The following SHTN1 variants were observed in gnomAD, a reference collection of about 807,000 sequenced individuals.
SHTN1 encodes the protein shootin 1.
A neutral mutation model predicts 83.1 loss-of-function variants in SHTN1; 42 were observed. The ratio of observed to expected loss-of-function variants is 0.51; its 90% CI spans 0.39 to 0.65. The LOEUF is 0.65. Ranked by LOEUF, SHTN1 falls within the 30% of genes least tolerant of loss-of-function variation. The probability of loss-of-function intolerance (pLI) is 0.00; values close to 1 mark genes in which losing one functional copy is unlikely to be tolerated. For synonymous variants in SHTN1, 224 were observed against 247.7 expected (o/e 0.90, Z 0.90); for missense variants, 622 against 737.8 (o/e 0.84, Z 1.82).
At chr10:116,937,309 C>G in intron 9 of SHTN1, among the ~76,000 whole-genome samples, 1 of 152,134 alleles carries the variant, frequency 6.6e-6, no homozygotes. Flanking sequence ...CCAGTCTTTC[C>G]TTTCCATGTT....
intron 1 of SHTN1, among the ~76,000 whole-genome samples, chr10:117,080,956 G>C (rs1294891586): frequency 3.3e-5 from 5 of 149,658 alleles, no homozygotes; most frequent in African/African-American, 9.8e-5. Context: ...GGGTTTTCTA[G>C]ATATACAATC....
chr10:116,900,689 T>C, intron 16 of SHTN1: 1 of 1,461,016 alleles, frequency 6.8e-7, no homozygotes, highest in African/African-American at 1.4e-5. Flanking sequence ...TTAAACAAAT[T>C]TAATAGGAAA....
intron 4 of SHTN1, among the ~76,000 whole-genome samples, chr10:116,954,706 C>G (rs1247687655): frequency 6.6e-6 from 1 of 152,104 alleles, no homozygotes; most frequent in African/African-American, 2.4e-5. Flanking sequence ...CGAATTAGTC[C>G]AGGGATTAAA....
chr10:116,909,973 T>A (rs180706371), intron 14 of SHTN1, among the ~76,000 whole-genome samples: 2 of 152,302 alleles, frequency 1.3e-5, no homozygotes, highest in East Asian at 3.9e-4. Flanking sequence ...TTACATGCCA[T>A]GATTGTGAGG....
chr10:117,027,135 T>C (rs757624636), intron 2 of SHTN1, among the ~76,000 whole-genome samples: 3 of 152,180 alleles, frequency 2.0e-5, no homozygotes, highest in African/African-American at 7.2e-5. Context: ...ACCATTGATA[T>C]AGTTTGGATC....
intron 15 of SHTN1, among the ~76,000 whole-genome samples, chr10:116,906,030 T>C (rs1847956005): frequency 1.3e-5 from 2 of 152,206 alleles, no homozygotes; most frequent in Non-Finnish European, 2.9e-5. Context: ...GCAGGCACAG[T>C]AAGTTAATGG....
chr10:117,015,503 G>T (rs1203795363), intron 2 of SHTN1, among the ~76,000 whole-genome samples: 1 of 151,972 alleles, frequency 6.6e-6, no homozygotes, highest in African/African-American at 2.4e-5. Context: ...GGCTAATTTT[G>T]TATTTTTAGT....
chr10:117,007,097 T>C (rs1852029644), upstream of SHTN1, among the ~76,000 whole-genome samples: 1 of 152,008 alleles, frequency 6.6e-6, no homozygotes, highest in South Asian at 2.1e-4. Context: ...TTTCCCTAGG[T>C]ATGCGTAAGA....
chr10:116,951,833 T>A, intron 6 of SHTN1, 76 bp downstream of exon 6: 1 of 725,928 alleles, frequency 1.4e-6, no homozygotes, highest in South Asian at 2.3e-5. Flanking sequence ...CTTATAATAT[T>A]AAGTTCTTAA....
intron 1 of SHTN1, among the ~76,000 whole-genome samples, chr10:117,066,930 C>T (rs10787751): frequency 0.71 from 107,949 of 152,050 alleles, 40,607 homozygotes; most frequent in Middle Eastern, 0.85. Flanking sequence ...CCAGGTACCT[C>T]AGTCACCCAG....
chr10:116,970,712 C>CAA (rs1203374258), intron 2 of SHTN1, among the ~76,000 whole-genome samples: 26 of 68,142 alleles, frequency 3.8e-4, no homozygotes, highest in African/African-American at 8.3e-4. Context: ...GACTTACTCT[C>CAA]AAAAAAAAAA....
At chr10:117,048,727 G>A (rs993677992) in intron 1 of SHTN1, among the ~76,000 whole-genome samples, 2 of 152,188 alleles carry the variant, frequency 1.3e-5, no homozygotes, top group Non-Finnish European at 2.9e-5. Context: ...TAAAAGGACA[G>A]TTAATAAAAA....
chr10:116,987,975 G>A (rs1354988242), intron 1 of SHTN1, among the ~76,000 whole-genome samples: 1 of 151,918 alleles, frequency 6.6e-6, no homozygotes, highest in African/African-American at 2.4e-5. Context: ...AAGAGGAAGG[G>A]CTGAACAGGT....
intron 5 of SHTN1, among the ~76,000 whole-genome samples, chr10:116,953,623 GTTTTTTT>G (rs759706275): frequency 1.1e-5 from 1 of 92,720 alleles, no homozygotes; most frequent in Non-Finnish European, 1.9e-5. Flanking sequence ...TTTGTGTTTT[GTTTTTTT>G]TTTTTTTTTT....
Position 117,111,396 on chromosome 10 carries a change from C to T in SHTN1, c.-189+14911G>A, listed in dbSNP as rs192553513. Among the ~76,000 whole-genome samples the T allele has an allele frequency of 3.6e-3, 545 of 151,806 alleles. 3 individuals carry two copies. Among genetic ancestry groups the T allele is most frequent in the African/African-American group, 0.012 (516 of 41,434 alleles). ...GTAACCTCCGCCTCCCAGGTTCAAG[C>T]GATTATCCTGCCTCAGCCTCCCAGG... On this transcript the variant is annotated intron_variant, in intron 1 of 17. Coordinates refer to the SHTN1 transcript ENST00000392901.
At chr10:116,933,329 C>A (rs979241008) in intron 9 of SHTN1, among the ~76,000 whole-genome samples, 1 of 152,082 alleles carries the variant, frequency 6.6e-6, no homozygotes, top group South Asian at 2.1e-4. Context: ...GCCCCCACCC[C>A]CCGACAGGCC....
chr10:116,893,539 G>A (rs1394570732), intron 16 of SHTN1, among the ~76,000 whole-genome samples: 1 of 113,286 alleles, frequency 8.8e-6, no homozygotes, highest in African/African-American at 3.3e-5. Flanking sequence ...GTACAGGGAA[G>A]GCGCCTTCCC....
intron 1 of SHTN1, among the ~76,000 whole-genome samples, chr10:117,070,347 C>T (rs915658428): frequency 6.6e-6 from 1 of 152,002 alleles, no homozygotes; most frequent in African/African-American, 2.4e-5. Flanking sequence ...TAGTTTAAAA[C>T]CACAGCCGGA....
chr10:116,999,638 G>C (rs1851752040), intron 1 of SHTN1, among the ~76,000 whole-genome samples: 1 of 152,174 alleles, frequency 6.6e-6, no homozygotes, highest in Non-Finnish European at 1.5e-5. Context: ...TTCACAGCTG[G>C]GTGCGGTGGC....
Sources: gnomAD v4.1 joint callset for allele counts (sites outside exome capture counted in the v4.1 genomes callset) on GRCh38, gnomAD v4.1.1 for gene constraint, MANE v1.5 for transcripts, NCBI Gene and HGNC (gene_info 2026-07-23, HGNC 2026-07-21) for gene names.